The following SGSM3 variants were observed in gnomAD, a reference collection of about 807,000 sequenced individuals.
The protein encoded by SGSM3 is RUN and SH3 containing 3.
Under a neutral mutation model 100.5 loss-of-function variants are expected in SGSM3, and 96 were observed. The observed-to-expected ratio is 0.96, with a 90% confidence interval of 0.81 to 1.13. The LOEUF is 1.13. SGSM3 is among the 50% of genes most tolerant of loss of function. The pLI, the probability that SGSM3 is intolerant of heterozygous loss-of-function variation, is 0.00. For missense variants in SGSM3, 1,001 were observed against 1,015.8 expected (o/e 0.99, Z 0.20); for synonymous variants, 483 against 422.8 (o/e 1.14, Z -1.75).
intron 1 of SGSM3, chr22:40,387,328 T>C (rs1220076100): frequency 2.3e-5 from 9 of 397,362 alleles, no homozygotes; most frequent in South Asian, 1.3e-4. Context: ...GGTAATGTTA[T>C]GTAGGTATGT....
At position 40,404,566 on chromosome 22, in the gene SGSM3, C is replaced by A; in HGVS notation, c.376C>A (p.Arg126=). 1 of 1,613,426 alleles carries A rather than the reference C, an allele frequency of 6.2e-7. No individual in the cohort carries two copies. Among genetic ancestry groups the A allele is most frequent in the Non-Finnish European group, 8.5e-7 (1 of 1,179,652 alleles). ...PHGMRPQLWM[R]LSGALQKKRN... is the part of the protein sequence containing the mutation. ...GGCTCCCTTCCCTCAGCTGTGGATG[C>A]GGCTCTCTGGGGCCCTGCAGAAGAA... Residue 126 remains arginine (R), a synonymous_variant, in exon 6 of 22, where the codon CGG becomes AGG. Transcript: ENST00000248929.
Position 40,407,000 on chromosome 22 carries a change from C to G in SGSM3, c.1186-17C>G, listed in dbSNP as rs1416030508. The G allele has an allele frequency of 3.8e-6, 6 of 1,562,278 alleles. 1 individual carries two copies. Among genetic ancestry groups the G allele is most frequent in the South Asian group, 2.4e-5 (2 of 84,910 alleles). On this transcript the variant is annotated splice_polypyrimidine_tract_variant and intron_variant, in intron 10 of 21. Coordinates refer to ENST00000248929, the MANE Select transcript of SGSM3 (RefSeq NM_015705.6). ...TCCCGGGGCCAGGACCACCCTGACC[C>G]ACTCCTCTTGGTGCAGGTTGTTCGC...
chr22:40,407,815 C>T lies in SGSM3; in HGVS notation c.1551C>T (p.Cys517=). The T allele has an allele frequency of 6.2e-7, 1 of 1,613,694 alleles. No homozygotes were observed. Among genetic ancestry groups the T allele is most frequent in the South Asian group, 1.1e-5 (1 of 91,046 alleles). The stretch of plus-strand genomic sequence containing the variant: ...TCGTGTCTCAGAAGGACGAGCACTG[C>T]TGGGTGGGGGAGCTCAACGGCCTGC... The part of the protein sequence containing the change: ...ITIVSQKDEH[C]WVGELNGLRG... The change falls in exon 14 of 22, where the codon TGC becomes TGT. Residue 517 remains cysteine, a synonymous_variant. Coordinates refer to ENST00000248929, the MANE Select transcript of SGSM3 (RefSeq NM_015705.6). This position sits in a 1 kb window ranked among gnomAD's most constrained non-coding sequence, Gnocchi z 4.7.
rs2051796818 is a variant in SGSM3, at chr22:40,407,664, A to G, written c.1524+96A>G. ...CACCCCAACCCCTTTCCCTGCCAAG[A>G]GCTTCTCTTGTGAAGATGTAGGGGT... On this transcript the variant is annotated intron_variant, in intron 13 of 21. Coordinates refer to ENST00000248929, the MANE Select transcript of SGSM3 (RefSeq NM_015705.6). The surrounding 1 kb of genome is among the most constrained non-coding windows in gnomAD (Gnocchi z 4.7). 6.3e-7 allele frequency: 1 copy of G among 1,582,200 alleles called. No individual in the cohort carries two copies. Among genetic ancestry groups the G allele is most frequent in the Non-Finnish European group, 8.6e-7 (1 of 1,158,790 alleles).
chr22:40,408,524 A>T (rs989619294), intron 16 of SGSM3, 95 bp downstream of exon 16: 2 of 1,590,790 alleles, frequency 1.3e-6, no homozygotes, highest in Admixed American at 3.4e-5. Context: ...CACAGAGAGG[A>T]TGGGAAGAGC....
At chr22:40,404,175 C>A in intron 4 of SGSM3, 72 bp from the exon 5 acceptor site, 1 of 1,300,452 alleles carries the variant, frequency 7.7e-7, no homozygotes, top group Non-Finnish European at 1.0e-6. Flanking sequence ...CTCCTGAAGA[C>A]GGAGGCTTGG....
chr22:40,385,494 G>A (rs2048271324), intron 1 of SGSM3, among the ~76,000 whole-genome samples: 1 of 152,168 alleles, frequency 6.6e-6, no homozygotes, highest in Admixed American at 6.5e-5. Context: ...CTCGTGGGTG[G>A]AGAATTTAAC....
chr22:40,398,603 A>G (rs1195129183), intron 1 of SGSM3, among the ~76,000 whole-genome samples: 1 of 141,746 alleles, frequency 7.1e-6, no homozygotes, highest in Non-Finnish European at 1.5e-5. Flanking sequence ...CAACTGGGAC[A>G]TGTTATGTGG....
chr22:40,408,163 G>C, intron 15 of SGSM3, 43 bp downstream of exon 15: 1 of 1,610,010 alleles, frequency 6.2e-7, no homozygotes, highest in Non-Finnish European at 8.5e-7. Context: ...CACCCTTCTA[G>C]CCAGGGCCTG....
intron 1 of SGSM3, among the ~76,000 whole-genome samples, chr22:40,384,973 A>G (rs1200401874): frequency 3.3e-5 from 5 of 152,248 alleles, no homozygotes; most frequent in African/African-American, 9.6e-5. Context: ...ATGGACTAAA[A>G]GAAAGAAGAC....
chr22:40,377,599 G>A (rs773512470), intron 1 of SGSM3, among the ~76,000 whole-genome samples: 5 of 152,180 alleles, frequency 3.3e-5, no homozygotes, highest in Admixed American at 6.5e-5. Context: ...CCTCTGGGAG[G>A]CCAAGGCAGG....
At chr22:40,373,555 G>A (rs1453442176) in intron 1 of SGSM3, 1 of 152,198 alleles carries the variant, frequency 6.6e-6, no homozygotes, top group Non-Finnish European at 1.5e-5. Flanking sequence ...AGATTAATGA[G>A]AGAGGGTAGT....
chr22:40,409,536 TGGGCCTCGTA>T lies in SGSM3; in HGVS notation c.2172+18_2172+27del. ...CCTGCGAAGAGAGAGGTGGGTGGTG[TGGGCCTCGTA>T]GGGCCTGCACTGATGGAGCTGCCCA... On this transcript the variant is annotated intron_variant, in intron 21 of 21. Coordinates refer to ENST00000248929, the MANE Select transcript of SGSM3 (RefSeq NM_015705.6). The T allele has an allele frequency of 6.2e-7, 1 of 1,604,970 alleles. No individual in the cohort carries two copies. The highest frequency in any genetic ancestry group is 1.1e-5 in the South Asian group (1 of 90,092).
chr22:40,372,020 A>G (rs1455178636), intron 1 of SGSM3, among the ~76,000 whole-genome samples: 1 of 149,782 alleles, frequency 6.7e-6, no homozygotes, highest in Non-Finnish European at 1.5e-5. Flanking sequence ...GTAATTCTAT[A>G]GATATCTTTC....
At chr22:40,386,844 T>A (rs1458195459) in intron 1 of SGSM3, among the ~76,000 whole-genome samples, 1 of 152,182 alleles carries the variant, frequency 6.6e-6, no homozygotes. Context: ...TAATGGTCTC[T>A]AAATATAGGT....
chr22:40,408,007 A>G, intron 14 of SGSM3, 64 bp from the exon 15 acceptor site: 3 of 1,554,080 alleles, frequency 1.9e-6, no homozygotes, highest in Non-Finnish European at 1.8e-6. Context: ...GCCTGCCTGC[A>G]GGCTGTGTCT....
intron 1 of SGSM3, 62 bp from the exon 2 acceptor site, chr22:40,400,634 A>G: frequency 3.2e-6 from 2 of 624,600 alleles, no homozygotes; most frequent in Non-Finnish European, 5.4e-6. Flanking sequence ...ACCAAGCGAG[A>G]CTCTGTCTAA....
intron 1 of SGSM3, among the ~76,000 whole-genome samples, chr22:40,391,821 C>A (rs1312033826): frequency 6.6e-6 from 1 of 152,178 alleles, no homozygotes; most frequent in Non-Finnish European, 1.5e-5. Flanking sequence ...AGCATTTGTG[C>A]AGAGTGCCCA....
chr22:40,388,660 G>A (rs183183228), intron 1 of SGSM3, among the ~76,000 whole-genome samples: 7 of 152,298 alleles, frequency 4.6e-5, no homozygotes, highest in East Asian at 1.9e-4. Context: ...GGCCGAGAGT[G>A]GAGGCAGAGA....
Sources: gnomAD v4.1 joint callset for allele counts (sites outside exome capture counted in the v4.1 genomes callset) on GRCh38, gnomAD v4.1.1 for gene constraint, Gnocchi (gnomAD v3.1) non-coding constraint, MANE v1.5 for transcripts, NCBI Gene and HGNC (gene_info 2026-07-23, HGNC 2026-07-21) for gene names.